The following NFASC variants were observed in gnomAD, a reference collection of about 807,000 sequenced individuals.
NFASC encodes the protein neurofascin.
A neutral mutation model predicts 147.5 loss-of-function variants in NFASC; 43 were observed. The ratio of observed to expected loss-of-function variants is 0.29; its 90% CI spans 0.23 to 0.38. The LOEUF (loss-of-function observed/expected upper bound fraction) is 0.38. Ranked by LOEUF, NFASC falls within the 10% of genes least tolerant of loss-of-function variation. The pLI is 1.00. For synonymous variants in NFASC, 622 were observed against 665.5 expected (o/e 0.93, Z 1.01); for missense variants, 1,320 against 1,689.0 (o/e 0.78, Z 3.83).
At chr1:204,935,987 C>A (rs150768017) in intron 2 of NFASC, among the ~76,000 whole-genome samples, 5 of 152,298 alleles carry the variant, frequency 3.3e-5, no homozygotes, top group African/African-American at 1.2e-4. Flanking sequence ...ACAGTCTTTT[C>A]TTCAAATAAA....
chr1:204,883,866 G>C (rs1368918411), intron 1 of NFASC, among the ~76,000 whole-genome samples: 1 of 152,194 alleles, frequency 6.6e-6, no homozygotes, highest in Admixed American at 6.5e-5. Flanking sequence ...AGTGGTGCCT[G>C]AGTCCCAGAG....
rs149368699 is a variant in NFASC, at chr1:204,905,728, G to A, written c.-199-14904G>A. 2.6e-4 allele frequency among the ~76,000 whole-genome samples: 40 copies of A among 152,200 alleles called. No homozygotes were observed. The East Asian group carries it at 7.7e-3, about 29-fold the overall frequency. Reference sequence around the variant, plus strand: ...AGGTTTTTCCTAGGTTTCTGCTGTGGTGAATAGGACTGTGAGGAACATTTT... The same window carrying A: ...AGGTTTTTCCTAGGTTTCTGCTGTGATGAATAGGACTGTGAGGAACATTTT... On this transcript the variant is annotated intron_variant, in intron 1 of 29. Transcript: ENST00000339876.
chr1:204,835,315 A>G (rs1329164178), intron 1 of NFASC, among the ~76,000 whole-genome samples: 1 of 133,388 alleles, frequency 7.5e-6, no homozygotes, highest in African/African-American at 2.9e-5. Context: ...TGCAACCTCC[A>G]CCTCCCAGGT....
chr1:204,872,252 T>A lies in NFASC; in HGVS notation c.-200+43470T>A, dbSNP rs143047288. Reference sequence around the variant, plus strand: ...TATGCACAAAGCAAACGGTACAGTTTTCCCTGAGCATCACGCATCCCAGGC... The same window carrying A: ...TATGCACAAAGCAAACGGTACAGTTATCCCTGAGCATCACGCATCCCAGGC... On this transcript the variant is annotated intron_variant, in intron 1 of 29. Coordinates refer to ENST00000339876, the MANE Select transcript of NFASC (RefSeq NM_001005388.3). 4.7e-3 allele frequency among the ~76,000 whole-genome samples: 717 copies of A among 152,282 alleles called. 5 individuals are homozygous for A. The highest frequency in any genetic ancestry group is 0.016 in the African/African-American group (685 of 41,546).
At chr1:204,874,097 C>G (rs2078255667) in intron 1 of NFASC, among the ~76,000 whole-genome samples, 1 of 152,190 alleles carries the variant, frequency 6.6e-6, no homozygotes, top group African/African-American at 2.4e-5. Flanking sequence ...ATCATTAGCA[C>G]AGGAGTAGGA....
rs1573934007 is a variant in NFASC at position 204,970,517 on chromosome 1, G to T, written c.1004-99G>T. 4 of 1,405,514 alleles carry T rather than the reference G, an allele frequency of 2.8e-6. No homozygotes were observed. In the East Asian group the frequency reaches 9.2e-5, roughly 32 times the overall value. 87.1% of individuals were successfully genotyped at this position (1,405,514 alleles called of 1,614,324 possible). On this transcript the variant is annotated intron_variant, in intron 10 of 29. Transcript: ENST00000339876. Reference sequence around the variant, plus strand: ...GCAGGTGGTGAGCACGTGGTGCTGGGACTCAGGGGCTCCTGCCATACTAGA... The same window carrying T: ...GCAGGTGGTGAGCACGTGGTGCTGGTACTCAGGGGCTCCTGCCATACTAGA...
intron 1 of NFASC, among the ~76,000 whole-genome samples, chr1:204,868,311 C>T (rs1204053716): frequency 6.6e-6 from 1 of 152,214 alleles, no homozygotes; most frequent in East Asian, 1.9e-4. Flanking sequence ...GGATGTGGCA[C>T]ACCAGACCTC....
At chr1:204,900,017 A>AAC (rs1338858316) in intron 1 of NFASC, among the ~76,000 whole-genome samples, 21 of 152,348 alleles carry the variant, frequency 1.4e-4, no homozygotes, top group Admixed American at 1.4e-3. Flanking sequence ...GGATGTGTTG[A>AAC]AATGCTTTGA....
At chr1:204,897,057 C>A (rs867670420) in intron 1 of NFASC, among the ~76,000 whole-genome samples, 3 of 151,922 alleles carry the variant, frequency 2.0e-5, no homozygotes, top group South Asian at 2.1e-4. Context: ...GGTTCCCCCC[C>A]TTCCCCCCGA....
In NFASC at chr1:205,016,595, A is replaced by G; in HGVS notation, c.*56A>G. The G allele has an allele frequency of 7.7e-7, 1 of 1,290,476 alleles. No homozygotes were observed. Among genetic ancestry groups the G allele is most frequent in the Non-Finnish European group, 1.1e-6 (1 of 888,810 alleles). 79.9% of individuals were successfully genotyped at this position (1,290,476 alleles called of 1,614,324 possible). A position where few individuals can be genotyped will look rare whatever the true frequency, so the allele number is the denominator to read the frequency against. On this transcript the variant is annotated 3_prime_UTR_variant, in exon 30 of 30. Coordinates refer to ENST00000339876, the MANE Select transcript of NFASC (RefSeq NM_001005388.3). This position sits in a 1 kb window ranked among gnomAD's most constrained non-coding sequence, Gnocchi z 5.1. ...GCAAGTGGGAGGAGGGGAGAAGGGG[A>G]GACAAAACCACTGCAGACCTACCAC...
intron 15 of NFASC, 75 bp from the exon 16 acceptor site, chr1:204,976,596 C>A: frequency 8.6e-7 from 1 of 1,163,280 alleles, no homozygotes; most frequent in Non-Finnish European, 1.3e-6. Context: ...AGAACCCCCT[C>A]TAGGGAGAAA....
At chr1:205,013,554 G>A (rs2096290410) in intron 29 of NFASC, among the ~76,000 whole-genome samples, 1 of 152,178 alleles carries the variant, frequency 6.6e-6, no homozygotes, top group Non-Finnish European at 1.5e-5. Context: ...CGCATTTCCA[G>A]CTGGTGCTGC....
At chr1:205,014,623 C>T (rs550655772) in intron 29 of NFASC, among the ~76,000 whole-genome samples, 1 of 152,296 alleles carries the variant, frequency 6.6e-6, no homozygotes, top group African/African-American at 2.4e-5. Flanking sequence ...TTTCAAGCTT[C>T]CCTTAGGAGA....
intron 1 of NFASC, among the ~76,000 whole-genome samples, chr1:204,852,676 G>T (rs1024135352): frequency 6.6e-6 from 1 of 152,186 alleles, no homozygotes; most frequent in Non-Finnish European, 1.5e-5. Context: ...GGCCACATGG[G>T]CAGTATTCCC....
chr1:204,839,576 A>G (rs889486482), intron 1 of NFASC, among the ~76,000 whole-genome samples: 1 of 152,056 alleles, frequency 6.6e-6, no homozygotes, highest in Non-Finnish European at 1.5e-5. Flanking sequence ...AGCCACCTCC[A>G]TGCCTGCAGT....
At chr1:205,003,145 CAG>C (rs2096029177) in intron 27 of NFASC, among the ~76,000 whole-genome samples, 1 of 152,164 alleles carries the variant, frequency 6.6e-6, no homozygotes, top group African/African-American at 2.4e-5. Context: ...CATGCAGGAT[CAG>C]GGGATAGGGC....
At position 205,020,319 on chromosome 1, in the gene NFASC, A is replaced by C. The variant is rs905721989; in HGVS notation, c.*3780A>C. On this transcript the variant is annotated 3_prime_UTR_variant, in exon 30 of 30. Transcript: ENST00000339876. ...ACGGACAAGCTCCCCTGCCACACCC[A>C]GTGCCCACGCATGCTCACATACATA... 6.6e-6 allele frequency: 1 copy of C among 152,406 alleles called. No homozygotes were observed. The highest frequency in any genetic ancestry group is 1.5e-5 in the Non-Finnish European group (1 of 68,082). The allele number at this position is 152,406 out of a possible 1,614,324, so 9.4% of individuals were successfully genotyped here. A position where few individuals can be genotyped will look rare whatever the true frequency, so the allele number is the denominator to read the frequency against.
chr1:205,011,663 G>A (rs1410386212), intron 28 of NFASC, among the ~76,000 whole-genome samples: 1 of 152,188 alleles, frequency 6.6e-6, no homozygotes, highest in East Asian at 1.9e-4. Context: ...TACAAGGCCT[G>A]GTTGCTAGCC....
chr1:204,895,089 T>C (rs2083139102), intron 1 of NFASC, among the ~76,000 whole-genome samples: 1 of 152,224 alleles, frequency 6.6e-6, no homozygotes, highest in Non-Finnish European at 1.5e-5. Context: ...AAACCTCTAG[T>C]CTAACATTCC....
Sources: gnomAD v4.1 joint callset for allele counts (sites outside exome capture counted in the v4.1 genomes callset) on GRCh38, gnomAD v4.1.1 for gene constraint, Gnocchi (gnomAD v3.1) non-coding constraint, MANE v1.5 for transcripts, NCBI Gene and HGNC (gene_info 2026-07-23, HGNC 2026-07-21) for gene names.